CTPS2: variants seen among roughly 807,000 people sequenced by gnomAD.
CTPS2 encodes the protein CTP synthase II.
In CTPS2, 19 loss-of-function variants were observed where a neutral mutation model predicts 46.8. The ratio of observed to expected loss-of-function variants is 0.41; its 90% CI spans 0.28 to 0.60. The LOEUF is 0.60. Ranked by LOEUF, CTPS2 falls within the 20% of genes least tolerant of loss-of-function variation. The probability of loss-of-function intolerance (pLI) is 0.35; values close to 1 mark genes in which losing one functional copy is unlikely to be tolerated. For missense variants in CTPS2, 286 were observed against 447.6 expected (o/e 0.64, Z 3.26); for synonymous variants, 151 against 165.2 (o/e 0.91, Z 0.66).
intron 11 of CTPS2, among the ~76,000 whole-genome samples, chrX:16,668,212 A>G (rs1921357677): frequency 9.2e-6 from 1 of 108,324 alleles, no homozygotes; most frequent in African/African-American, 3.4e-5. Context: ...CAGTGAGCTG[A>G]GATCACACCA....
At chrX:16,634,556 C>T (rs1931640787) in intron 14 of CTPS2, among the ~76,000 whole-genome samples, 1 of 112,172 alleles carries the variant, frequency 8.9e-6, no homozygotes, top group Non-Finnish European at 1.9e-5. Context: ...CAATTCAAAC[C>T]TATAATCTCC....
chrX:16,591,250 T>C (rs1468230759), intron 17 of CTPS2, among the ~76,000 whole-genome samples: 2 of 111,862 alleles, frequency 1.8e-5, no homozygotes, highest in African/African-American at 6.5e-5. Flanking sequence ...AGAGGTGTTA[T>C]ATTAACAAAC....
At chrX:16,657,189 C>CATT (rs1932840331) in intron 13 of CTPS2, among the ~76,000 whole-genome samples, 1 of 84,645 alleles carries the variant, frequency 1.2e-5, no homozygotes, top group African/African-American at 4.4e-5. Flanking sequence ...CATGCCCGGC[C>CATT]TTTTTTTTTT....
chrX:16,711,339 C>G (rs1925451569), intron 1 of CTPS2, among the ~76,000 whole-genome samples: 1 of 111,650 alleles, frequency 9.0e-6, no homozygotes, highest in African/African-American at 3.3e-5. Context: ...GTACTCAGAG[C>G]ACATCTCAGT....
intron 17 of CTPS2, among the ~76,000 whole-genome samples, chrX:16,607,695 G>C (rs1413173645): frequency 8.9e-6 from 1 of 112,927 alleles, no homozygotes; most frequent in Non-Finnish European, 1.9e-5. Flanking sequence ...ACCACACACA[G>C]ATCCTGCCAG....
intron 11 of CTPS2, among the ~76,000 whole-genome samples, 200 bp from the exon 12 acceptor site, chrX:16,667,924 C>T (rs1387324362): frequency 9.3e-6 from 1 of 107,775 alleles, no homozygotes; most frequent in Non-Finnish European, 1.9e-5. Context: ...TATCATGAAG[C>T]CGCCTAAGTC....
intron 10 of CTPS2, among the ~76,000 whole-genome samples, chrX:16,670,979 A>G (rs13440655): frequency 0.11 from 12,850 of 111,787 alleles, 1,086 homozygotes; most frequent in African/African-American, 0.29. Flanking sequence ...AAAGAAACTG[A>G]ATGAAAATAG....
At chrX:16,705,385 A>G (rs1924914446) in intron 1 of CTPS2, among the ~76,000 whole-genome samples, 2 of 111,978 alleles carry the variant, frequency 1.8e-5, no homozygotes, top group African/African-American at 6.5e-5. Flanking sequence ...ACCACCAACC[A>G]TGGACTGGCT....
intron 9 of CTPS2, among the ~76,000 whole-genome samples, chrX:16,680,102 A>T (rs1228167727): frequency 8.9e-6 from 1 of 111,734 alleles, no homozygotes; most frequent in African/African-American, 3.2e-5. Context: ...AGATAGACAG[A>T]TGCAGCCCAA....
chrX:16,649,781 G>T (rs1932512023), intron 13 of CTPS2, among the ~76,000 whole-genome samples: 1 of 112,318 alleles, frequency 8.9e-6, no homozygotes, highest in Admixed American at 9.5e-5. Context: ...ATGAGCTACC[G>T]CACAGGGCAG....
chrX:16,630,000 G>T (rs1931376189), intron 14 of CTPS2, among the ~76,000 whole-genome samples: 1 of 111,159 alleles, frequency 9.0e-6, no homozygotes, highest in South Asian at 3.8e-4. Context: ...CACCTGCCAG[G>T]TCCAGAAGGC....
intron 14 of CTPS2, among the ~76,000 whole-genome samples, chrX:16,633,091 T>G (rs397832932): frequency 0.2 from 20,490 of 103,058 alleles, 1,642 homozygotes; most frequent in Middle Eastern, 0.3. Flanking sequence ...TTTGTTTTTT[T>G]TTTTTTTTTT....
At chrX:16,701,663 G>A (rs899313280) in intron 2 of CTPS2, among the ~76,000 whole-genome samples, 45 of 106,269 alleles carry the variant, frequency 4.2e-4, no homozygotes, top group Admixed American at 9.9e-4. Context: ...GTGCAGTGGC[G>A]CAATCTCGGC....
chrX:16,592,515 G>A (rs1051022341), intron 17 of CTPS2, among the ~76,000 whole-genome samples: 13 of 111,475 alleles, frequency 1.2e-4, no homozygotes, highest in African/African-American at 3.9e-4. Flanking sequence ...GCTGGCCTCC[G>A]TGCTTGAGAA....
chrX:16,657,189 C>CTTT (rs770294993), intron 13 of CTPS2, among the ~76,000 whole-genome samples: 3 of 84,641 alleles, frequency 3.5e-5, no homozygotes, highest in Admixed American at 1.4e-4. Flanking sequence ...CATGCCCGGC[C>CTTT]TTTTTTTTTT....
chrX:16,702,864 G>A lies in CTPS2; in HGVS notation c.39C>T (p.Gly13=). ...TGCTGGCAATGATCCCTTTACCAATGCCTGAGATGACCCCACCCGTGACCA... is the reference window on the plus strand; with the variant it reads ...TGCTGGCAATGATCCCTTTACCAATACCTGAGATGACCCCACCCGTGACCA... ...YILVTGGVIS[G]IGKGIIASSI... is the part of the protein sequence containing the mutation. Residue 13 remains glycine (G), a synonymous_variant, in exon 2 of 19, where the codon GGC becomes GGT. Transcript: ENST00000359276. 2 of 1,210,214 alleles carry A rather than the reference G, an allele frequency of 1.7e-6. No homozygotes were observed. The highest frequency in any genetic ancestry group is 5.9e-5 in the East Asian group (2 of 33,813).
intron 1 of CTPS2, chrX:16,711,577 G>C (rs886715257): frequency 2.7e-5 from 3 of 110,960 alleles, no homozygotes; most frequent in African/African-American, 9.8e-5. Flanking sequence ...AATCAGAACC[G>C]GGGTTGAGTG....
chrX:16,661,228 G>A (rs1160437469), intron 13 of CTPS2, among the ~76,000 whole-genome samples: 4 of 111,429 alleles, frequency 3.6e-5, no homozygotes, highest in African/African-American at 9.8e-5. Flanking sequence ...CCAAAGTGCT[G>A]GGATTACAGG....
chrX:16,654,492 A>T, intron 13 of CTPS2: 1 of 1,174,762 alleles, frequency 8.5e-7, no homozygotes, highest in Non-Finnish European at 1.2e-6. Context: ...AGTATTAGTA[A>T]AAAAGATATC....
Sources: gnomAD v4.1 joint callset for allele counts (sites outside exome capture counted in the v4.1 genomes callset) on GRCh38, gnomAD v4.1.1 for gene constraint, MANE v1.5 for transcripts, NCBI Gene and HGNC (gene_info 2026-07-23, HGNC 2026-07-21) for gene names.